Variants in CR1L observed in about 807,000 individuals in gnomAD.
CR1L encodes complement component receptor 1-like protein.
Under a neutral mutation model 62.3 loss-of-function variants are expected in CR1L, and 59 were observed. The ratio of observed to expected loss-of-function variants is 0.95; its 90% CI spans 0.77 to 1.18. The LOEUF is 1.18. Among genes scored for constraint, CR1L ranks in the 50% most tolerant of loss-of-function variants. The pLI is 0.00. For synonymous variants in CR1L, 279 were observed against 248.7 expected (o/e 1.12, Z -1.15); for missense variants, 700 against 702.8 (o/e 1.00, Z 0.04).
chr1:207,682,806 A>G (rs1419141184), intron 3 of CR1L, among the ~76,000 whole-genome samples: 11 of 152,188 alleles, frequency 7.2e-5, no homozygotes, highest in Admixed American at 7.2e-4. Flanking sequence ...GGTGAAGTAA[A>G]ATAAATGTTA....
At chr1:207,703,535 A>G (rs559274813) in intron 9 of CR1L, among the ~76,000 whole-genome samples, 2 of 152,378 alleles carry the variant, frequency 1.3e-5, no homozygotes, top group Admixed American at 1.3e-4. Context: ...CAGCTCATTG[A>G]CTTTGTATCC....
At chr1:207,695,510 C>T (rs11584215) in intron 5 of CR1L, among the ~76,000 whole-genome samples, 5,851 of 152,164 alleles carry the variant, frequency 0.038, 179 homozygotes, top group South Asian at 0.12. Flanking sequence ...AAGACTGAAA[C>T]GCAAGTCCAC....
chr1:207,660,234 AC>A (rs1335928060), intron 1 of CR1L, among the ~76,000 whole-genome samples: 1 of 152,034 alleles, frequency 6.6e-6, no homozygotes, highest in African/African-American at 2.4e-5. Flanking sequence ...TGGGTCCCTG[AC>A]CCCCGTATAG....
intron 9 of CR1L, among the ~76,000 whole-genome samples, chr1:207,707,630 A>C (rs1335494407): frequency 1.3e-5 from 2 of 152,182 alleles, no homozygotes; most frequent in Non-Finnish European, 2.9e-5. Flanking sequence ...TCCGTCTAAA[A>C]AAACAAACAA....
At chr1:207,660,080 C>T (rs140568114) in intron 1 of CR1L, among the ~76,000 whole-genome samples, 272 of 152,370 alleles carry the variant, frequency 1.8e-3, no homozygotes, top group African/African-American at 5.1e-3. Context: ...CTAGATTCCA[C>T]CTCTGGGTGC....
At position 207,694,531 on chromosome 1, in the gene CR1L, G is replaced by A. The variant is rs760067285; in HGVS notation, c.642G>A (p.Val214=). The change falls in exon 5 of 12, where the codon GTG becomes GTA. Residue 214 remains valine, a synonymous_variant. Transcript: ENST00000508064. ...ACTGCACCAGCAAAGATGATCAAGTGGGCATCTGGAGTGGCCCAGCCCCTC... is the reference window on the plus strand; with the variant it reads ...ACTGCACCAGCAAAGATGATCAAGTAGGCATCTGGAGTGGCCCAGCCCCTC... The part of the protein sequence containing the change: ...SIYCTSKDDQ[V]GIWSGPAPQC... 1.2e-6 allele frequency: 2 copies of A among 1,613,146 alleles called. No individual in the cohort carries two copies. The highest frequency in any genetic ancestry group is 1.7e-6 in the Non-Finnish European group (2 of 1,179,834).
intron 10 of CR1L, among the ~76,000 whole-genome samples, chr1:207,709,832 CAAAA>C (rs11452067): frequency 8.2e-6 from 1 of 122,156 alleles, no homozygotes. Flanking sequence ...GACTCTGTCT[CAAAA>C]AAAAAAAAAA....
chr1:207,706,282 G>A (rs528982079), intron 9 of CR1L, among the ~76,000 whole-genome samples: 2 of 151,656 alleles, frequency 1.3e-5, no homozygotes, highest in African/African-American at 2.4e-5. Context: ...TTAGCTGGGC[G>A]TGGTGGCGTG....
At chr1:207,651,672 A>G (rs959449457) in intron 1 of CR1L, among the ~76,000 whole-genome samples, 4 of 151,996 alleles carry the variant, frequency 2.6e-5, no homozygotes, top group Admixed American at 2.6e-4. Flanking sequence ...AAAAAAAACT[A>G]CAAAAAACAG....
rs576907138 is a variant in CR1L at position 207,673,182 on chromosome 1, G to A, written c.98-4207G>A. Among the ~76,000 whole-genome samples, 3 of 152,274 alleles carry A rather than the reference G, an allele frequency of 2.0e-5. No homozygotes were observed. The South Asian group carries it at 6.2e-4, about 32-fold the overall frequency. ...CTTTACATTCACTATTGTGACCAGAGGAACTCACTGTGGCTGTTTTTTGTC... is the reference window on the plus strand; with the variant it reads ...CTTTACATTCACTATTGTGACCAGAAGAACTCACTGTGGCTGTTTTTTGTC... On this transcript the variant is annotated intron_variant, in intron 1 of 11. Transcript: ENST00000508064.
At chr1:207,677,895 G>A (rs1460899777) in intron 2 of CR1L, among the ~76,000 whole-genome samples, 1 of 152,220 alleles carries the variant, frequency 6.6e-6, no homozygotes, top group Non-Finnish European at 1.5e-5. Flanking sequence ...ACTAAAAGAT[G>A]CGACAATCTT....
At chr1:207,718,007 A>G (rs1654045256) in intron 11 of CR1L, among the ~76,000 whole-genome samples, 1 of 151,988 alleles carries the variant, frequency 6.6e-6, no homozygotes, top group Non-Finnish European at 1.5e-5. Flanking sequence ...TAAAGAATGT[A>G]CTCTTTTATT....
chr1:207,650,747 T>C (rs1021083097), intron 1 of CR1L, among the ~76,000 whole-genome samples: 1 of 151,958 alleles, frequency 6.6e-6, no homozygotes, highest in African/African-American at 2.4e-5. Context: ...CAAGCAGGTG[T>C]GAATGTACAG....
intron 3 of CR1L, among the ~76,000 whole-genome samples, chr1:207,683,096 TTCTC>T (rs1178456225): frequency 9.5e-5 from 14 of 147,168 alleles, no homozygotes; most frequent in Non-Finnish European, 7.5e-5. Flanking sequence ...CTCTTTCTCT[TTCTC>T]TCTCTCTCTC....
At chr1:207,689,359 ATG>A (rs1361711256) in intron 4 of CR1L, among the ~76,000 whole-genome samples, 2 of 151,904 alleles carry the variant, frequency 1.3e-5, no homozygotes, top group Admixed American at 6.6e-5. Context: ...TATCTATGAA[ATG>A]TGTGTGAGTG....
chr1:207,687,765 A>G (rs1663935312), intron 4 of CR1L, among the ~76,000 whole-genome samples: 1 of 151,824 alleles, frequency 6.6e-6, no homozygotes, highest in Non-Finnish European at 1.5e-5. Context: ...TTTGTCTGTT[A>G]TTTACTGGTT....
At chr1:207,710,301 CCACTGCA>C (rs1302034188) in intron 10 of CR1L, 3 of 838,820 alleles carry the variant, frequency 3.6e-6, no homozygotes, top group Non-Finnish European at 5.9e-6. Flanking sequence ...CATGATCGTG[CCACTGCA>C]CTCCAGCCTG....
At chr1:207,669,884 G>T (rs1385668727) in intron 1 of CR1L, among the ~76,000 whole-genome samples, 1 of 151,276 alleles carries the variant, frequency 6.6e-6, no homozygotes, top group Non-Finnish European at 1.5e-5. Context: ...GCCTCGGCTG[G>T]CTATAGCCGA....
chr1:207,681,410 G>A (rs1035401024), intron 3 of CR1L, among the ~76,000 whole-genome samples: 2 of 152,180 alleles, frequency 1.3e-5, no homozygotes, highest in African/African-American at 2.4e-5. Flanking sequence ...GAGAGTCCCT[G>A]GCTCTCCTTA....
Sources: allele counts gnomAD v4.1 joint callset (sites outside exome capture counted in the v4.1 genomes callset), GRCh38; gene constraint gnomAD v4.1.1; transcripts MANE v1.5; gene names NCBI Gene and HGNC (gene_info 2026-07-23, HGNC 2026-07-21).